CALU: variants seen among roughly 807,000 people sequenced by gnomAD.
CALU encodes the protein calumenin.
CALU carries 13 observed loss-of-function variants against 37.5 expected under a neutral mutation model. That is an observed-to-expected ratio of 0.35 (90% CI 0.23 to 0.55). CALU has a LOEUF of 0.55. CALU is among the 20% of genes least tolerant of loss of function. The pLI, the probability that CALU is intolerant of heterozygous loss-of-function variation, is 0.89. For missense variants in CALU, 282 were observed against 391.7 expected (o/e 0.72, Z 2.36); for synonymous variants, 114 against 133.8 (o/e 0.85, Z 1.02).
chr7:128,772,564 C>T lies in CALU; in HGVS notation c.*3397C>T, dbSNP rs140568559. ...CTCAGTTGGGGCCAACTTGGGTAGA[C>T]GAGACAGTAGAAACTTCTGTTTTCT... On this transcript the variant is annotated 3_prime_UTR_variant, in exon 7 of 7. Transcript: ENST00000249364. 1.2e-6 allele frequency: 2 copies of T among 1,614,146 alleles called. No individual in the cohort carries two copies. Among genetic ancestry groups the T allele is most frequent in the African/African-American group, 1.3e-5 (1 of 75,024 alleles).
intron 1 of CALU, among the ~76,000 whole-genome samples, chr7:128,741,734 T>C (rs1423636246): frequency 6.6e-6 from 1 of 152,156 alleles, no homozygotes; most frequent in African/African-American, 2.4e-5. Flanking sequence ...CACAGCAAAA[T>C]TACAACTAGA....
chr7:128,773,113 GA>G lies in CALU; in HGVS notation c.*3949del, dbSNP rs2128885524. 6.6e-6 allele frequency among the ~76,000 whole-genome samples: 1 copy of G among 152,310 alleles called. No individual in the cohort carries two copies. The highest frequency in any genetic ancestry group is 2.1e-4 in the South Asian group (1 of 4,822). On this transcript the variant is annotated 3_prime_UTR_variant, in exon 7 of 7. Transcript: ENST00000249364. ...TTAGCTCGGATTTCAGATGGGATAG[GA>G]AATCCCCCAGTACCTTCAGATGATA...
At chr7:128,743,279 G>T (rs955799789) in intron 1 of CALU, among the ~76,000 whole-genome samples, 1 of 152,028 alleles carries the variant, frequency 6.6e-6, no homozygotes, top group Non-Finnish European at 1.5e-5. Context: ...CACAACCATT[G>T]GTTTACTTTC....
rs1324218762 is a variant in CALU, at chr7:128,771,759, G to A, written c.*2592G>A. 1 of 152,186 alleles carries A rather than the reference G, an allele frequency of 6.6e-6. No individual in the cohort carries two copies. The highest frequency in any genetic ancestry group is 1.5e-5 in the Non-Finnish European group (1 of 68,060). The allele number at this position is 152,186 out of a possible 1,614,324, so 9.4% of individuals were successfully genotyped here. On this transcript the variant is annotated 3_prime_UTR_variant, in exon 7 of 7. Coordinates refer to ENST00000249364, the MANE Select transcript of CALU (RefSeq NM_001219.5). ...ATACCAAACACAAGCGATTCTGAAT[G>A]TACACACACGTTTATCTATAGAGCA...
chr7:128,746,762 C>CT (rs71162530), intron 1 of CALU, among the ~76,000 whole-genome samples: 5,149 of 121,168 alleles, frequency 0.042, 336 homozygotes, highest in South Asian at 0.095. Flanking sequence ...TCATGTCATT[C>CT]TTTTTTTTTT....
At chr7:128,767,215 T>A (rs1433934786) in intron 5 of CALU, among the ~76,000 whole-genome samples, 1 of 152,228 alleles carries the variant, frequency 6.6e-6, no homozygotes. Context: ...TATTAAGGTA[T>A]AAGAACTCTT....
rs922920739 is a variant in CALU at position 128,754,779 on chromosome 7, T to C, written c.415+324T>C. On this transcript the variant is annotated intron_variant, in intron 3 of 6. Coordinates refer to ENST00000249364, the MANE Select transcript of CALU (RefSeq NM_001219.5). ...CGTGGTCTTGAGTCAAAGAAACAAA[T>C]GGGTCACACAGTAAAGGAAAGGAAG... is the stretch of plus-strand genomic sequence containing the variant. 10 of 1,048,474 alleles carry C rather than the reference T, an allele frequency of 9.5e-6. No individual in the cohort carries two copies. The Admixed American group carries it at 2.6e-4, about 27-fold the overall frequency. 64.9% of individuals were successfully genotyped at this position (1,048,474 alleles called of 1,614,324 possible).
intron 3 of CALU, among the ~76,000 whole-genome samples, chr7:128,757,082 T>G (rs1031524886): frequency 6.7e-6 from 1 of 149,846 alleles, no homozygotes; most frequent in African/African-American, 2.5e-5. Context: ...TGACTATAAA[T>G]TAAAAAAAAA....
Position 128,771,817 on chromosome 7 carries a change from A to C in CALU, c.*2650A>C, listed in dbSNP as rs985876234. The C allele has an allele frequency of 6.6e-6, 1 of 152,342 alleles. No homozygotes were observed. The highest frequency in any genetic ancestry group is 2.4e-5 in the African/African-American group (1 of 41,456). The allele number at this position is 152,342 out of a possible 1,614,324, so 9.4% of individuals were successfully genotyped here. A position where few individuals can be genotyped will look rare whatever the true frequency, so the allele number is the denominator to read the frequency against. On this transcript the variant is annotated 3_prime_UTR_variant, in exon 7 of 7. Coordinates refer to ENST00000249364, the MANE Select transcript of CALU (RefSeq NM_001219.5). ...AAACAATTTTGTTTAACATTTTGGT[A>C]TTGTTTACAAATGTTATTAAAACAT...
At chr7:128,769,023 A>C in intron 6 of CALU, 40 bp from the exon 7 acceptor site, 42 of 1,078,760 alleles carry the variant, frequency 3.9e-5, no homozygotes, top group Non-Finnish European at 5.7e-5. Flanking sequence ...TTTAATGGGA[A>C]ATATGTTCTT....
At chr7:128,746,534 A>G (rs1408438920) in intron 1 of CALU, among the ~76,000 whole-genome samples, 3 of 146,454 alleles carry the variant, frequency 2.0e-5, no homozygotes, top group African/African-American at 2.5e-5. Context: ...GCTAACTGCA[A>G]CCTCCACCTG....
At chr7:128,754,713 ACTTAC>A in intron 3 of CALU, 1 of 1,549,526 alleles carries the variant, frequency 6.5e-7, no homozygotes, top group Non-Finnish European at 8.7e-7. Context: ...GACTTATGGC[ACTTAC>A]CTGGGTAAGG....
intron 2 of CALU, 57 bp downstream of exon 2, chr7:128,748,861 A>G (rs1379092567): frequency 1.9e-5 from 22 of 1,186,532 alleles, no homozygotes; most frequent in Non-Finnish European, 2.6e-5. Context: ...TATAAAGGCT[A>G]ATTCTTTTCT....
chr7:128,768,438 C>T (rs189836998), intron 6 of CALU, among the ~76,000 whole-genome samples: 315 of 152,228 alleles, frequency 2.1e-3, no homozygotes, highest in African/African-American at 7.0e-3. Flanking sequence ...TCCATATTTT[C>T]CTCTAAAAGG....
At chr7:128,745,029 T>A (rs952455897) in intron 1 of CALU, among the ~76,000 whole-genome samples, 6 of 152,234 alleles carry the variant, frequency 3.9e-5, no homozygotes, top group African/African-American at 1.4e-4. Context: ...TACAGTATCC[T>A]TTCCAGGACC....
intron 5 of CALU, 78 bp from the exon 6 acceptor site, chr7:128,767,378 A>G: frequency 6.5e-6 from 7 of 1,084,862 alleles, no homozygotes; most frequent in Non-Finnish European, 8.6e-6. Flanking sequence ...ATGAGGAAAA[A>G]GGGTTAGGCC....
chr7:128,748,506 T>G, intron 1 of CALU, 67 bp from the exon 2 acceptor site: 5 of 1,320,340 alleles, frequency 3.8e-6, no homozygotes, highest in Non-Finnish European at 5.3e-6. Context: ...GGATGTGAGC[T>G]TTTAATTTCT....
rs184774995 is a variant in CALU, at chr7:128,741,022, C to G, written c.-12+1590C>G. ...TAGCTGAGACTAGAGGTATATAACACCACACCCTAGTACATTGGTGTTAAC... is the reference window on the plus strand; with the variant it reads ...TAGCTGAGACTAGAGGTATATAACAGCACACCCTAGTACATTGGTGTTAAC... On this transcript the variant is annotated intron_variant, in intron 1 of 6. Coordinates refer to ENST00000249364, the MANE Select transcript of CALU (RefSeq NM_001219.5). Among the ~76,000 whole-genome samples the G allele has an allele frequency of 2.3e-4, 35 of 152,298 alleles. 3 individuals are homozygous for G. The highest frequency in any genetic ancestry group is 8.2e-4 in the African/African-American group (34 of 41,560).
chr7:128,767,777 A>C, intron 6 of CALU, 122 bp downstream of exon 6: 1 of 767,276 alleles, frequency 1.3e-6, no homozygotes, highest in Non-Finnish European at 2.2e-6. Context: ...AAGTCAGCCA[A>C]GTATCTGAAT....
Sources: allele counts gnomAD v4.1 joint callset (sites outside exome capture counted in the v4.1 genomes callset), GRCh38; gene constraint gnomAD v4.1.1; transcripts MANE v1.5; gene names NCBI Gene and HGNC (gene_info 2026-07-23, HGNC 2026-07-21).